The following KAZN variants were observed in gnomAD, a reference collection of about 807,000 sequenced individuals.
KAZN encodes the protein kazrin, periplakin interacting protein, also known as kazrin.
KAZN carries 40 observed loss-of-function variants against 87.4 expected under a neutral mutation model. The observed-to-expected ratio is 0.46, with a 90% CI of 0.36 to 0.60. The LOEUF (loss-of-function observed/expected upper bound fraction) is 0.60, where lower values mean the gene tolerates loss of function less well. Among genes scored for constraint, KAZN ranks in the 20% least tolerant of loss-of-function variants. The probability of loss-of-function intolerance (pLI) is 0.00; values close to 1 mark genes in which losing one functional copy is unlikely to be tolerated. For missense variants in KAZN, 898 were observed against 1,073.9 expected (o/e 0.84, Z 2.29); for synonymous variants, 466 against 458.3 (o/e 1.02, Z -0.22).
At chr1:14,947,893 T>C (rs1026683148) in intron 1 of KAZN, among the ~76,000 whole-genome samples, 2 of 152,166 alleles carry the variant, frequency 1.3e-5, no homozygotes, top group African/African-American at 4.8e-5. Flanking sequence ...AAGACTGATA[T>C]GGGCAGGAAA....
At chr1:15,050,917 T>C (rs1674330952) in intron 4 of KAZN, among the ~76,000 whole-genome samples, 1 of 152,212 alleles carries the variant, frequency 6.6e-6, no homozygotes, top group Non-Finnish European at 1.5e-5. Context: ...GCCTCCCTGC[T>C]GGACCTGCTC....
At chr1:14,274,663 C>T (rs1004183792) in intron 2 of KAZN, among the ~76,000 whole-genome samples, 2 of 152,116 alleles carry the variant, frequency 1.3e-5, no homozygotes, top group African/African-American at 4.8e-5. Context: ...TGACCCTTAG[C>T]CATCCACCCT....
At chr1:14,253,833 G>A (rs768519799) in intron 2 of KAZN, among the ~76,000 whole-genome samples, 3 of 151,736 alleles carry the variant, frequency 2.0e-5, no homozygotes, top group African/African-American at 7.3e-5. Context: ...AGCCCTCCCC[G>A]GCCAGATATT....
At chr1:14,517,939 G>A (rs1557772479) in intron 2 of KAZN, among the ~76,000 whole-genome samples, 1 of 152,188 alleles carries the variant, frequency 6.6e-6, no homozygotes, top group Non-Finnish European at 1.5e-5. Flanking sequence ...GAAGGAAATA[G>A]AGTACAGGAA....
chr1:14,330,120 A>G (rs1201469628), intron 2 of KAZN, among the ~76,000 whole-genome samples: 1 of 152,152 alleles, frequency 6.6e-6, no homozygotes, highest in African/African-American at 2.4e-5. Context: ...AAGCAAAGGA[A>G]ACTCCACAGT....
intron 4 of KAZN, 113 bp from the exon 5 acceptor site, chr1:15,055,978 A>T: frequency 9.8e-7 from 1 of 1,017,776 alleles, no homozygotes; most frequent in South Asian, 1.5e-5. Context: ...AGCCAGCAAT[A>T]CCCGGTGCAG....
At chr1:13,949,159 C>T (rs56147364) in intron 1 of KAZN, among the ~76,000 whole-genome samples, 1 of 152,222 alleles carries the variant, frequency 6.6e-6, no homozygotes, top group South Asian at 2.1e-4. Context: ...GAGGGAGCAG[C>T]TGTCCCAGAA....
chr1:13,972,276 C>CTTTT (rs546200121), intron 1 of KAZN, among the ~76,000 whole-genome samples: 1 of 141,196 alleles, frequency 7.1e-6, no homozygotes, highest in Non-Finnish European at 1.5e-5. Context: ...TTTTTCTTTT[C>CTTTT]TTTTTTTTTT....
At chr1:13,919,940 G>A (rs936260951) in intron 1 of KAZN, among the ~76,000 whole-genome samples, 2 of 152,140 alleles carry the variant, frequency 1.3e-5, no homozygotes, top group Non-Finnish European at 2.9e-5. Flanking sequence ...TATGGTGTGA[G>A]TTAGGGGTCA....
At chr1:14,447,912 C>T (rs908379869) in intron 2 of KAZN, among the ~76,000 whole-genome samples, 11 of 152,326 alleles carry the variant, frequency 7.2e-5, no homozygotes, top group South Asian at 4.1e-4. Flanking sequence ...AAGTTAGAAC[C>T]CATTTCTGTC....
At chr1:14,176,229 A>G (rs1372301992) in intron 1 of KAZN, among the ~76,000 whole-genome samples, 1 of 151,998 alleles carries the variant, frequency 6.6e-6, no homozygotes, top group Non-Finnish European at 1.5e-5. Context: ...GAGCTTATGT[A>G]TTATCTTGTC....
At chr1:14,120,261 A>G (rs1644722090) in intron 1 of KAZN, among the ~76,000 whole-genome samples, 1 of 146,616 alleles carries the variant, frequency 6.8e-6, no homozygotes, top group East Asian at 1.9e-4. Flanking sequence ...ACATGGGCAG[A>G]GAAGGAGCAA....
rs563539375 is a variant in KAZN, at chr1:14,436,734, A to AAAAAAAAAACAAAAAC, written c.250-162245_250-162244insAAAAACAAAAACAAAA. The stretch of plus-strand genomic sequence containing the variant: ...CTCTGTCTCAAAAAAAAAAAAAAAA[A>AAAAAAAAAACAAAAAC]AAAACCTTAAAACAATCCTGAGAGG... On this transcript the variant is annotated intron_variant, in intron 2 of 16. Coordinates refer to the KAZN transcript ENST00000636203. Among the ~76,000 whole-genome samples the AAAAAAAAAACAAAAAC allele has an allele frequency of 6.0e-4, 83 of 137,400 alleles. 5 individuals are homozygous for AAAAAAAAAACAAAAAC. The highest frequency in any genetic ancestry group is 1.7e-3 in the East Asian group (8 of 4,640). 90.1% of individuals were successfully genotyped at this position (137,400 alleles called of 152,430 possible).
At chr1:14,886,745 C>A (rs1374961799) in intron 1 of KAZN, among the ~76,000 whole-genome samples, 3 of 151,914 alleles carry the variant, frequency 2.0e-5, no homozygotes, top group African/African-American at 4.8e-5. Context: ...GAGCCAAGAT[C>A]GTGCCGTTAT....
chr1:14,403,672 G>A (rs1477702284), intron 2 of KAZN, among the ~76,000 whole-genome samples: 1 of 152,116 alleles, frequency 6.6e-6, no homozygotes, highest in East Asian at 1.9e-4. Context: ...TGGGAGGAGA[G>A]CCTCAACCTC....
intron 2 of KAZN, among the ~76,000 whole-genome samples, chr1:14,281,993 A>G (rs931104191): frequency 6.6e-6 from 1 of 152,174 alleles, no homozygotes. Context: ...CCACACCTAC[A>G]GTTTAAGGAA....
At chr1:14,091,929 T>C (rs1467490608) in intron 1 of KAZN, among the ~76,000 whole-genome samples, 1 of 152,134 alleles carries the variant, frequency 6.6e-6, no homozygotes, top group Non-Finnish European at 1.5e-5. Context: ...ACGCTAACAA[T>C]GTGAAAATGC....
At chr1:13,933,336 T>G (rs1341079450) in intron 1 of KAZN, among the ~76,000 whole-genome samples, 1 of 151,930 alleles carries the variant, frequency 6.6e-6, no homozygotes, top group African/African-American at 2.4e-5. Flanking sequence ...CTACTAAAAA[T>G]ACAAAATTAG....
At chr1:13,903,222 C>T (rs574030649) in intron 1 of KAZN, among the ~76,000 whole-genome samples, 1 of 152,218 alleles carries the variant, frequency 6.6e-6, no homozygotes, top group South Asian at 2.1e-4. Context: ...TGATGAAGAA[C>T]CCACTTGTGG....
Sources: gnomAD v4.1 joint callset for allele counts (sites outside exome capture counted in the v4.1 genomes callset) on GRCh38, gnomAD v4.1.1 for gene constraint, MANE v1.5 for transcripts, NCBI Gene and HGNC (gene_info 2026-07-23, HGNC 2026-07-21) for gene names.